The following TP63 variants were observed in gnomAD, a reference collection of about 807,000 sequenced individuals.
The protein encoded by TP63 is tumor protein p63.
TP63 carries 17 observed loss-of-function variants against 82.8 expected under a neutral mutation model. The observed-to-expected ratio is 0.21, with a 90% CI of 0.14 to 0.31. TP63 has a LOEUF of 0.31. TP63 is among the 10% of genes least tolerant of loss of function. TP63 has a pLI of 1.00. For synonymous variants in TP63, 330 were observed against 321.7 expected (o/e 1.03, Z -0.28); for missense variants, 648 against 895.3 (o/e 0.72, Z 3.52).
At chr3:189,805,506 G>C (rs75789632) in intron 3 of TP63, among the ~76,000 whole-genome samples, 1 of 152,202 alleles carries the variant, frequency 6.6e-6, no homozygotes, top group Non-Finnish European at 1.5e-5. Flanking sequence ...AACTTCACTG[G>C]TGAAGTCCTA....
chr3:189,786,654 C>A (rs145904332), intron 3 of TP63, among the ~76,000 whole-genome samples: 1 of 152,064 alleles, frequency 6.6e-6, no homozygotes, highest in Non-Finnish European at 1.5e-5. Context: ...GGCTTTACAG[C>A]GCCGCCATTT....
chr3:189,644,948 A>G (rs1408208362), intron 1 of TP63, among the ~76,000 whole-genome samples: 1 of 146,430 alleles, frequency 6.8e-6, no homozygotes, highest in Non-Finnish European at 1.5e-5. Flanking sequence ...GTACTTTTAT[A>G]TTGGACCCTA....
chr3:189,804,627 T>C lies in TP63; in HGVS notation c.325-3645T>C, dbSNP rs149129646. The stretch of plus-strand genomic sequence containing the variant: ...AATCAAAGGAATAAGTGAATAAGAA[T>C]ATTTTCTTTAAACTAGATATTTTAA... On this transcript the variant is annotated intron_variant, in intron 3 of 13. Coordinates refer to ENST00000264731, the MANE Select transcript of TP63 (RefSeq NM_003722.5). Among the ~76,000 whole-genome samples, 1,007 of 152,356 alleles carry C rather than the reference T, an allele frequency of 6.6e-3. 8 individuals are homozygous for C. The highest frequency in any genetic ancestry group is 0.023 in the African/African-American group (966 of 41,594).
chr3:189,846,611 G>GGT (rs71861936), intron 4 of TP63, among the ~76,000 whole-genome samples: 31,749 of 140,926 alleles, frequency 0.23, 3,577 homozygotes, highest in Admixed American at 0.31. Context: ...TGGCCAGTAG[G>GGT]GTGTGTGTGT....
At position 189,653,758 on chromosome 3, in the gene TP63, C is replaced by G. The variant is rs140143248; in HGVS notation, c.62+22181C>G. Among the ~76,000 whole-genome samples, 363 of 152,296 alleles carry G rather than the reference C, an allele frequency of 2.4e-3. 5 individuals carry two copies. The highest frequency in any genetic ancestry group is 8.3e-3 in the African/African-American group (346 of 41,572). ...AAACTGCAATTGTTAACCAAAGATT[C>G]AGTCAGTATTTAATTTTCTTAAAGC... On this transcript the variant is annotated intron_variant, in intron 1 of 13. Coordinates refer to ENST00000264731, the MANE Select transcript of TP63 (RefSeq NM_003722.5).
intron 1 of TP63, among the ~76,000 whole-genome samples, chr3:189,684,806 A>C (rs1716300577): frequency 6.6e-6 from 1 of 151,594 alleles, no homozygotes; most frequent in South Asian, 2.1e-4. Flanking sequence ...AATTTTTTAT[A>C]TTTTTAGTAG....
chr3:189,676,495 T>C (rs73056143), intron 1 of TP63, among the ~76,000 whole-genome samples: 2,396 of 152,150 alleles, frequency 0.016, 70 homozygotes, highest in African/African-American at 0.055. Flanking sequence ...TCTTCCTTTT[T>C]AAGGCTGAAT....
In TP63 at chr3:189,742,243, C is replaced by CAAA. The variant is rs140413709; in HGVS notation, c.324+3494_324+3496dup. 8.1e-4 allele frequency among the ~76,000 whole-genome samples: 63 copies of CAAA among 77,592 alleles called. 1 individual carries two copies. The highest frequency in any genetic ancestry group is 7.4e-3 in the East Asian group (20 of 2,704). The allele number at this position is 77,592 out of a possible 152,430, so 50.9% of individuals were successfully genotyped here. A position where few individuals can be genotyped will look rare whatever the true frequency, so the allele number is the denominator to read the frequency against. On this transcript the variant is annotated intron_variant, in intron 3 of 13. Transcript: ENST00000264731. ...GGGCAACAAGAGCAAAACTCCATCC[C>CAAA]AAAAAAAAAAAAAAAAAAAAAAAAA...
intron 1 of TP63, among the ~76,000 whole-genome samples, chr3:189,662,933 A>G (rs1714052190): frequency 6.6e-6 from 1 of 151,980 alleles, no homozygotes. Flanking sequence ...TCTGGGACTT[A>G]TTTTTGTTTC....
chr3:189,729,331 T>C (rs1560140102), intron 1 of TP63, among the ~76,000 whole-genome samples: 1 of 152,062 alleles, frequency 6.6e-6, no homozygotes, highest in East Asian at 1.9e-4. Flanking sequence ...AGAACTTTAA[T>C]GGGAGAAATT....
intron 1 of TP63, among the ~76,000 whole-genome samples, chr3:189,704,708 A>C (rs924757338): frequency 4.6e-5 from 7 of 152,248 alleles, no homozygotes; most frequent in Admixed American, 6.5e-5. Context: ...ATTCCTCGAC[A>C]GAATAGGTTA....
intron 1 of TP63, among the ~76,000 whole-genome samples, chr3:189,703,949 A>T (rs1171735124): frequency 6.6e-6 from 1 of 152,182 alleles, no homozygotes; most frequent in Non-Finnish European, 1.5e-5. Context: ...TTCTCTAATA[A>T]ACATTCACTT....
Position 189,749,886 on chromosome 3 carries a change from G to A in TP63, c.324+11112G>A, listed in dbSNP as rs372460145. Among the ~76,000 whole-genome samples, 12 of 152,282 alleles carry A rather than the reference G, an allele frequency of 7.9e-5. No individual in the cohort carries two copies. The East Asian group carries it at 2.3e-3, about 29-fold the overall frequency. ...CACCTGTAATCCCAGCACTTTGGGA[G>A]CCCGAGGCAGGCAGATCATGAGGTC... On this transcript the variant is annotated intron_variant, in intron 3 of 13. Coordinates refer to ENST00000264731, the MANE Select transcript of TP63 (RefSeq NM_003722.5).
rs377051394 is a variant in TP63 at position 189,658,902 on chromosome 3, C to G, written c.62+27325C>G. Among the ~76,000 whole-genome samples, 4 of 151,894 alleles carry G rather than the reference C, an allele frequency of 2.6e-5. No individual in the cohort carries two copies. In the South Asian group the frequency reaches 8.3e-4, roughly 32 times the overall value. On this transcript the variant is annotated intron_variant, in intron 1 of 13. Coordinates refer to ENST00000264731, the MANE Select transcript of TP63 (RefSeq NM_003722.5). ...GTTATGGACTTTGATAATAATGTAT[C>G]GGTATTGGTTCATTAATTGTGACAA...
At chr3:189,860,555 G>A (rs770125825) in intron 4 of TP63, among the ~76,000 whole-genome samples, 51 of 152,316 alleles carry the variant, frequency 3.3e-4, no homozygotes, top group Middle Eastern at 3.4e-3. Flanking sequence ...AAAAAAAAGC[G>A]ATTGTGCCAG....
In TP63 at chr3:189,808,664, T is replaced by C. The variant is rs1488519317; in HGVS notation, c.579+138T>C. 10 of 1,502,820 alleles carry C rather than the reference T, an allele frequency of 6.7e-6. No individual in the cohort carries two copies. The Admixed American group carries it at 1.1e-4, about 16-fold the overall frequency. The allele number at this position is 1,502,820 out of a possible 1,614,324, so 93.1% of individuals were successfully genotyped here. On this transcript the variant is annotated intron_variant, in intron 4 of 13. Transcript: ENST00000264731. The stretch of plus-strand genomic sequence containing the variant: ...AAATTTGTCTTTGAATATTTAATAC[T>C]GAACCAGAGAGAGAGAAAGTGCCAG...
chr3:189,690,703 A>C (rs912847545), intron 1 of TP63, among the ~76,000 whole-genome samples: 1 of 152,210 alleles, frequency 6.6e-6, no homozygotes, highest in African/African-American at 2.4e-5. Flanking sequence ...TGTTATTTAC[A>C]TGCTTAGCTG....
At chr3:189,805,644 A>G (rs1037360469) in intron 3 of TP63, among the ~76,000 whole-genome samples, 16 of 152,226 alleles carry the variant, frequency 1.1e-4, no homozygotes, top group African/African-American at 3.9e-4. Flanking sequence ...AGGCCCGCTC[A>G]CCAGGAGAAA....
At chr3:189,823,463 C>T (rs539037420) in intron 4 of TP63, among the ~76,000 whole-genome samples, 4 of 152,156 alleles carry the variant, frequency 2.6e-5, no homozygotes, top group African/African-American at 4.8e-5. Flanking sequence ...GGCATGCAGA[C>T]GCACACTGTG....
Sources: gnomAD v4.1 joint callset for allele counts (sites outside exome capture counted in the v4.1 genomes callset) on GRCh38, gnomAD v4.1.1 for gene constraint, MANE v1.5 for transcripts, NCBI Gene and HGNC (gene_info 2026-07-23, HGNC 2026-07-21) for gene names.